Variants in TAFA2 observed in about 807,000 individuals in gnomAD.
TAFA2 encodes the protein chemokine-like protein TAFA-2.
TAFA2 carries 7 observed loss-of-function variants against 18.8 expected under a neutral mutation model. The observed-to-expected ratio is 0.37, with a 90% CI of 0.21 to 0.70. The LOEUF is 0.70. Ranked by LOEUF, TAFA2 falls within the 30% of genes least tolerant of loss-of-function variation. The pLI is 0.53. For synonymous variants in TAFA2, 60 were observed against 54.2 expected, an observed-to-expected ratio of 1.11 and a Z score of -0.47; for missense variants, 122 against 158.1, an observed-to-expected ratio of 0.77 and a Z score of 1.23.
intron 2 of TAFA2, among the ~76,000 whole-genome samples, chr12:61,759,483 C>T (rs910582134): frequency 8.5e-5 from 13 of 152,120 alleles, no homozygotes; most frequent in Middle Eastern, 3.4e-3. Context: ...ATAGCGGAGG[C>T]CACATCAATC....
chr12:62,179,106 T>C lies in TAFA2; in HGVS notation c.-2+12153A>G, dbSNP rs1279743367. Among the ~76,000 whole-genome samples, 4 of 152,354 alleles carry C rather than the reference T, an allele frequency of 2.6e-5. No individual in the cohort carries two copies. The East Asian group carries it at 7.7e-4, about 29-fold the overall frequency. Reference sequence around the variant, plus strand: ...ACTATTTAAGTATAGTTATTATTTATGATTCTGGAATGTATTTTGTTGTTT... The same window carrying C: ...ACTATTTAAGTATAGTTATTATTTACGATTCTGGAATGTATTTTGTTGTTT... On this transcript the variant is annotated intron_variant, in intron 1 of 4. Coordinates refer to ENST00000416284, the MANE Select transcript of TAFA2 (RefSeq NM_178539.5).
intron 1 of TAFA2, among the ~76,000 whole-genome samples, chr12:62,074,216 G>T (rs1047574216): frequency 6.6e-6 from 1 of 152,216 alleles, no homozygotes; most frequent in East Asian, 1.9e-4. Context: ...TTAGGTTTCT[G>T]TGCTCAGACA....
intron 1 of TAFA2, among the ~76,000 whole-genome samples, chr12:62,116,816 C>T (rs1029035956): frequency 5.3e-5 from 8 of 152,086 alleles, no homozygotes; most frequent in Admixed American, 2.6e-4. Flanking sequence ...TGCTGAAGCC[C>T]CAGCCCCTAG....
chr12:62,111,802 T>G (rs577618841), intron 1 of TAFA2, among the ~76,000 whole-genome samples: 11 of 152,320 alleles, frequency 7.2e-5, no homozygotes, highest in African/African-American at 2.6e-4. Context: ...AGAGTAGGAT[T>G]GCAACCCCTA....
chr12:62,155,308 CAAAT>C (rs1422484030), intron 1 of TAFA2, among the ~76,000 whole-genome samples: 1 of 152,040 alleles, frequency 6.6e-6, no homozygotes, highest in Admixed American at 6.6e-5. Context: ...ATGACACAAA[CAAAT>C]AGAGACACAT....
At chr12:61,884,165 C>A (rs1336388789) in intron 1 of TAFA2, among the ~76,000 whole-genome samples, 1 of 152,106 alleles carries the variant, frequency 6.6e-6, no homozygotes, top group African/African-American at 2.4e-5. Context: ...TTTGGCTCCA[C>A]GCTAAAGTGT....
At chr12:61,958,852 T>C (rs1878786922) in intron 1 of TAFA2, among the ~76,000 whole-genome samples, 2 of 152,002 alleles carry the variant, frequency 1.3e-5, no homozygotes. Context: ...TCTAAGGAGA[T>C]TTCCTAACCA....
chr12:61,991,594 T>C (rs1358852400), intron 1 of TAFA2, among the ~76,000 whole-genome samples: 5 of 152,232 alleles, frequency 3.3e-5, no homozygotes, highest in Non-Finnish European at 5.9e-5. Flanking sequence ...ATCCCTCTGT[T>C]GGTTCTTTTC....
intron 1 of TAFA2, among the ~76,000 whole-genome samples, chr12:62,232,515 C>CTTTG (rs997078227): frequency 2.6e-5 from 4 of 152,182 alleles, no homozygotes; most frequent in Admixed American, 6.5e-5. Flanking sequence ...GAGTCCACGT[C>CTTTG]TTTGTTTGTT....
intron 1 of TAFA2, among the ~76,000 whole-genome samples, chr12:62,070,158 TA>T (rs1555187746): frequency 1.3e-5 from 2 of 152,356 alleles, no homozygotes; most frequent in East Asian, 1.9e-4. Flanking sequence ...AATTTGAGGT[TA>T]AAAAATGTCT....
At chr12:62,010,165 C>CT (rs1301224764) in intron 1 of TAFA2, among the ~76,000 whole-genome samples, 1 of 148,474 alleles carries the variant, frequency 6.7e-6, no homozygotes, top group Non-Finnish European at 1.5e-5. Context: ...CCCCCTCCCC[C>CT]TCCCCCTCCC....
intron 1 of TAFA2, among the ~76,000 whole-genome samples, chr12:62,015,591 A>G (rs1366344544): frequency 6.6e-6 from 1 of 152,242 alleles, no homozygotes; most frequent in African/African-American, 2.4e-5. Context: ...CACTGATGAT[A>G]TAGTGGTGAG....
At chr12:61,798,859 A>C (rs955235598) in intron 2 of TAFA2, among the ~76,000 whole-genome samples, 5 of 152,264 alleles carry the variant, frequency 3.3e-5, no homozygotes, top group African/African-American at 1.2e-4. Flanking sequence ...AATGTTCTAT[A>C]GAATGTTATC....
chr12:61,714,022 T>C (rs1022888658), intron 4 of TAFA2, among the ~76,000 whole-genome samples: 9 of 152,196 alleles, frequency 5.9e-5, no homozygotes, highest in Non-Finnish European at 1.2e-4. Flanking sequence ...TACTAAGTTA[T>C]ACCTTCTAAG....
rs1352545110 is a variant in TAFA2 at position 62,192,273 on chromosome 12, C to T, written c.-1016G>A. The T allele has an allele frequency of 6.6e-6, 1 of 152,188 alleles. No homozygotes were observed. The highest frequency in any genetic ancestry group is 1.9e-4 in the East Asian group (1 of 5,166). The allele number at this position is 152,188 out of a possible 1,614,324, so 9.4% of individuals were successfully genotyped here. Reference sequence around the variant, plus strand: ...CATCGTGGGCTGGAAGGAAGGGAAACCCGCCGATGTCCCCCTGGTAGCAGT... The same window carrying T: ...CATCGTGGGCTGGAAGGAAGGGAAATCCGCCGATGTCCCCCTGGTAGCAGT... On this transcript the variant is annotated 5_prime_UTR_variant, in exon 1 of 5. Coordinates refer to ENST00000416284, the MANE Select transcript of TAFA2 (RefSeq NM_178539.5).
At chr12:61,746,866 A>G (rs1868735169) in intron 4 of TAFA2, among the ~76,000 whole-genome samples, 1 of 152,130 alleles carries the variant, frequency 6.6e-6, no homozygotes, top group Non-Finnish European at 1.5e-5. Context: ...CAAAATCTGT[A>G]TTTCACAAAG....
At chr12:62,117,732 G>C (rs1358421454) in intron 1 of TAFA2, among the ~76,000 whole-genome samples, 1 of 151,976 alleles carries the variant, frequency 6.6e-6, no homozygotes, top group Admixed American at 6.6e-5. Context: ...TCTTAAAGCT[G>C]TTTTTCTTAT....
chr12:62,250,813 G>C (rs2062909639), intron 1 of TAFA2, among the ~76,000 whole-genome samples: 1 of 152,062 alleles, frequency 6.6e-6, no homozygotes, highest in African/African-American at 2.4e-5. Flanking sequence ...ATTAATTGAG[G>C]TCTTGCATAG....
chr12:62,063,855 GACACAC>G (rs3031045), intron 1 of TAFA2, among the ~76,000 whole-genome samples: 1 of 147,922 alleles, frequency 6.8e-6, no homozygotes, highest in Non-Finnish European at 1.5e-5. Flanking sequence ...AGGGTGGCTG[GACACAC>G]ACACACACAC....
Sources: allele counts gnomAD v4.1 joint callset (sites outside exome capture counted in the v4.1 genomes callset), GRCh38; gene constraint gnomAD v4.1.1; transcripts MANE v1.5; gene names NCBI Gene and HGNC (gene_info 2026-07-23, HGNC 2026-07-21).